The following CCNK variants were observed in gnomAD, a reference collection of about 807,000 sequenced individuals.
CCNK encodes the protein cyclin-K.
Under a neutral mutation model 65.0 loss-of-function variants are expected in CCNK, and 9 were observed. That is an observed-to-expected ratio of 0.14 (90% CI 0.08 to 0.24). CCNK has a LOEUF of 0.24. Ranked by LOEUF, CCNK falls within the 10% of genes least tolerant of loss-of-function variation. The pLI, the probability that CCNK is intolerant of heterozygous loss-of-function variation, is 1.00. For missense variants in CCNK, 474 were observed against 720.0 expected (o/e 0.66, Z 3.91); for synonymous variants, 279 against 270.8 (o/e 1.03, Z -0.30).
chr14:99,503,849 C>T lies in CCNK; in HGVS notation c.1045+205C>T, dbSNP rs957506614. ...TTGTGCTCTTACGAAGCTATCAGTA[C>T]AGAAAACATTACTGGCAATAAAAAT... is the stretch of plus-strand genomic sequence containing the variant. On this transcript the variant is annotated intron_variant, in intron 9 of 10. Coordinates refer to ENST00000389879, the MANE Select transcript of CCNK (RefSeq NM_001099402.2). The T allele has an allele frequency of 2.5e-5, 14 of 570,456 alleles. No homozygotes were observed. In the Admixed American group the frequency reaches 3.6e-4, roughly 15 times the overall value. 35.3% of individuals were successfully genotyped at this position (570,456 alleles called of 1,614,324 possible). A position where few individuals can be genotyped will look rare whatever the true frequency, so the allele number is the denominator to read the frequency against.
intron 10 of CCNK, 187 bp downstream of exon 10, chr14:99,507,334 T>C (rs932485593): frequency 2.5e-5 from 15 of 591,048 alleles, no homozygotes; most frequent in Admixed American, 5.7e-5. Context: ...CCCAGCACTT[T>C]GGGAGGCGGA....
intron 9 of CCNK, chr14:99,506,140 T>C (rs1273475464): frequency 6.6e-6 from 1 of 152,306 alleles, no homozygotes; most frequent in Non-Finnish European, 1.5e-5. Flanking sequence ...GAGAGGGGCT[T>C]TGGACTCTGA....
chr14:99,501,273 C>T (rs966778522), intron 5 of CCNK, 83 bp from the exon 6 acceptor site: 6 of 875,310 alleles, frequency 6.9e-6, no homozygotes, highest in African/African-American at 1.6e-5. Context: ...GTGCTGAACA[C>T]GTGGTAGGTT....
chr14:99,494,620 T>C (rs886691212), intron 3 of CCNK: 9 of 151,906 alleles, frequency 5.9e-5, no homozygotes, highest in Admixed American at 5.3e-4. Context: ...AGGATTGGAG[T>C]GGGCAAAGAG....
chr14:99,495,175 T>C (rs1896674780), intron 3 of CCNK: 1 of 190,722 alleles, frequency 5.2e-6, no homozygotes. Flanking sequence ...ACGGCAAAGC[T>C]TGCTGTTTAG....
chr14:99,492,625 G>T lies in CCNK; in HGVS notation c.-52-1G>T. ...CAACTTTGTTTTTCTCTTTCTCATAGGATTCTAACATTTTCAGAGAACCTT... is the reference window on the plus strand; with the variant it reads ...CAACTTTGTTTTTCTCTTTCTCATATGATTCTAACATTTTCAGAGAACCTT... On this transcript the variant is annotated splice_acceptor_variant, in intron 1 of 10. Coordinates refer to ENST00000389879, the MANE Select transcript of CCNK (RefSeq NM_001099402.2). LOFTEE classifies it low-confidence loss of function (5UTR_SPLICE). The T allele has an allele frequency of 6.8e-7, 1 of 1,472,494 alleles. No individual in the cohort carries two copies. Among genetic ancestry groups the T allele is most frequent in the Non-Finnish European group, 9.2e-7 (1 of 1,087,254 alleles). 91.2% of individuals were successfully genotyped at this position (1,472,494 alleles called of 1,614,324 possible).
In CCNK at chr14:99,494,328, T is replaced by G. The variant is rs548362604; in HGVS notation, c.279+733T>G. 2.0e-5 allele frequency: 3 copies of G among 152,356 alleles called. No individual in the cohort carries two copies. In the East Asian group the frequency reaches 5.8e-4, roughly 29 times the overall value. 9.4% of individuals were successfully genotyped at this position (152,356 alleles called of 1,614,324 possible). On this transcript the variant is annotated intron_variant, in intron 3 of 10. Transcript: ENST00000389879. ...TGAGACCCTGGGTGGATAGGTAGAC[T>G]GGGTCAGACCACGATAAGCCTCGAA...
At chr14:99,503,416 GAA>G in intron 8 of CCNK, 193 bp from the exon 9 acceptor site, 1 of 606,930 alleles carries the variant, frequency 1.6e-6, no homozygotes. Context: ...TTGGTAAATG[GAA>G]AGAGGAAGGG....
In CCNK at chr14:99,481,490, C is replaced by T. The variant is rs1430691188; in HGVS notation, c.-53+11C>T. The T allele has an allele frequency of 1.0e-5, 4 of 398,694 alleles. No individual in the cohort carries two copies. The South Asian group carries it at 3.8e-4, about 38-fold the overall frequency. The allele number at this position is 398,694 out of a possible 1,614,324, so 24.7% of individuals were successfully genotyped here. ...TGCCTGAAGCGAGGGGTGAGTGACC[C>T]ACCGACTGAGGGCAGCGCCGCCCAC... On this transcript the variant is annotated intron_variant, in intron 1 of 10. Coordinates refer to ENST00000389879, the MANE Select transcript of CCNK (RefSeq NM_001099402.2).
chr14:99,495,439 G>A, intron 3 of CCNK, 59 bp from the exon 4 acceptor site: 2 of 1,512,238 alleles, frequency 1.3e-6, no homozygotes, highest in South Asian at 1.3e-5. Context: ...AAAATTTATT[G>A]TATCTATTTC....
chr14:99,510,047 G>T (rs570458815), intron 10 of CCNK, 110 bp from the exon 11 acceptor site: 2 of 1,094,616 alleles, frequency 1.8e-6, no homozygotes, highest in Admixed American at 5.3e-5. Flanking sequence ...CAGAGGAGGC[G>T]GGCAGCTGCT....
intron 4 of CCNK, among the ~76,000 whole-genome samples, chr14:99,497,099 C>T (rs1387641247): frequency 1.3e-5 from 2 of 151,424 alleles, no homozygotes; most frequent in African/African-American, 4.9e-5. Context: ...TGACACATCA[C>T]CCAGAGTCCA....
intron 1 of CCNK, among the ~76,000 whole-genome samples, chr14:99,489,131 A>G (rs1896550100): frequency 6.6e-6 from 1 of 152,006 alleles, no homozygotes; most frequent in Admixed American, 6.5e-5. Flanking sequence ...GGATACATAT[A>G]TATATATTTT....
chr14:99,504,233 A>G (rs1896915477), intron 9 of CCNK: 1 of 197,326 alleles, frequency 5.1e-6, no homozygotes, highest in African/African-American at 2.4e-5. Context: ...GGGTCAGTCC[A>G]CCTATCATAC....
chr14:99,508,153 C>G (rs1222828972), intron 10 of CCNK: 1 of 152,250 alleles, frequency 6.6e-6, no homozygotes, highest in African/African-American at 2.4e-5. Flanking sequence ...TGTTCCTACT[C>G]AATCATGATA....
chr14:99,495,684 G>A (rs1896686505), intron 4 of CCNK, 55 bp downstream of exon 4: 4 of 1,499,034 alleles, frequency 2.7e-6, no homozygotes. Flanking sequence ...TGGTAGTATT[G>A]TACAGTTCCA....
At chr14:99,500,521 G>A (rs539684383) in intron 4 of CCNK, 5 of 426,686 alleles carry the variant, frequency 1.2e-5, no homozygotes, top group African/African-American at 8.3e-5. Flanking sequence ...TATTTTTAAG[G>A]ATCTTTTGTT....
intron 4 of CCNK, among the ~76,000 whole-genome samples, chr14:99,496,933 T>TC (rs1169908594): frequency 6.7e-6 from 1 of 149,000 alleles, no homozygotes; most frequent in Admixed American, 6.7e-5. Flanking sequence ...AAAAATGCTT[T>TC]TTTTTTTTTT....
intron 9 of CCNK, chr14:99,506,367 A>C (rs1896975204): frequency 6.6e-6 from 1 of 152,362 alleles, no homozygotes; most frequent in African/African-American, 2.4e-5. Context: ...TGCCTTCTTA[A>C]ACGGATGAGA....
Sources: gnomAD v4.1 joint callset for allele counts (sites outside exome capture counted in the v4.1 genomes callset) on GRCh38, gnomAD v4.1.1 for gene constraint, MANE v1.5 for transcripts, NCBI Gene and HGNC (gene_info 2026-07-23, HGNC 2026-07-21) for gene names.